Variants in LDLRAD4 observed in about 807,000 individuals in gnomAD.
The protein encoded by LDLRAD4 is low density lipoprotein receptor class A domain containing 4.
In LDLRAD4, 5 loss-of-function variants were observed where a neutral mutation model predicts 17.0. The ratio of observed to expected loss-of-function variants is 0.29; its 90% CI spans 0.15 to 0.62. LDLRAD4 has a LOEUF of 0.62. Among genes scored for constraint, LDLRAD4 ranks in the 20% least tolerant of loss-of-function variants. The pLI is 0.84. For missense variants in LDLRAD4, 340 were observed against 424.7 expected, an observed-to-expected ratio of 0.80 and a Z score of 1.75; for synonymous variants, 168 against 171.8, an observed-to-expected ratio of 0.98 and a Z score of 0.17.
intron 1 of LDLRAD4, among the ~76,000 whole-genome samples, chr18:13,313,518 C>T (rs541871787): frequency 1.3e-5 from 2 of 152,292 alleles, no homozygotes; most frequent in African/African-American, 4.8e-5. Context: ...CCCGGTTTCC[C>T]GTGGTAAACA....
Position 13,496,584 on chromosome 18 carries a change from G to A in LDLRAD4, c.181+58200G>A, listed in dbSNP as rs577243836. Among the ~76,000 whole-genome samples, 394 of 152,266 alleles carry A rather than the reference G, an allele frequency of 2.6e-3. 3 individuals are homozygous for A. Among genetic ancestry groups the A allele is most frequent in the African/African-American group, 9.1e-3 (380 of 41,538 alleles). On this transcript the variant is annotated intron_variant, in intron 3 of 5. Coordinates refer to ENST00000359446, the Ensembl canonical transcript of LDLRAD4. ...AGTACCCAGTTAAATTTAGTGTTTC[G>A]AATTAGGGAGACTCAAGCATCAGCA...
Position 13,580,595 on chromosome 18 carries a change from G to C in LDLRAD4, c.182-40522G>C, listed in dbSNP as rs2094842482. 2.0e-5 allele frequency among the ~76,000 whole-genome samples: 3 copies of C among 152,174 alleles called. 1 individual carries two copies. The South Asian group carries it at 6.2e-4, about 32-fold the overall frequency. On this transcript the variant is annotated intron_variant, in intron 3 of 5. Transcript: ENST00000359446. ...CTGCAGGACTCTGCTGGAATGTGCA[G>C]GCGATGGCACGGTGGCCACTGCTGA...
chr18:13,363,695 T>TA (rs2083856790), intron 1 of LDLRAD4, among the ~76,000 whole-genome samples: 1 of 152,184 alleles, frequency 6.6e-6, no homozygotes, highest in African/African-American at 2.4e-5. Context: ...CATGATAAAA[T>TA]ATGTAGTGTC....
chr18:13,285,339 G>A (rs1006209259), intron 1 of LDLRAD4, among the ~76,000 whole-genome samples: 1 of 152,160 alleles, frequency 6.6e-6, no homozygotes, highest in Non-Finnish European at 1.5e-5. Context: ...TTGGCTTGGG[G>A]CAGTCACTTC....
At chr18:13,608,925 C>T (rs1291397060) in intron 3 of LDLRAD4, among the ~76,000 whole-genome samples, 1 of 152,222 alleles carries the variant, frequency 6.6e-6, no homozygotes, top group Non-Finnish European at 1.5e-5. Flanking sequence ...TTGCTACCAA[C>T]AACTCTTGTG....
At chr18:13,641,718 G>T in intron 4 of LDLRAD4, 1 of 981,576 alleles carries the variant, frequency 1.0e-6, no homozygotes, top group Non-Finnish European at 1.2e-6. Context: ...CAGTCGGCGT[G>T]GGGTGCGGCA....
chr18:13,253,725 G>A (rs796445209), intron 1 of LDLRAD4, among the ~76,000 whole-genome samples: 13 of 152,298 alleles, frequency 8.5e-5, no homozygotes, highest in African/African-American at 3.1e-4. Flanking sequence ...AACCTGCCAT[G>A]TTTTATTTCT....
At chr18:13,480,911 T>C (rs1278068142) in intron 3 of LDLRAD4, among the ~76,000 whole-genome samples, 2 of 152,214 alleles carry the variant, frequency 1.3e-5, no homozygotes, top group East Asian at 3.8e-4. Context: ...GTCAGCCGTG[T>C]CAGCCAGAGC....
Position 13,367,338 on chromosome 18 carries a change from G to C in LDLRAD4, c.-382-20003G>C, listed in dbSNP as rs1057457717. 6.6e-6 allele frequency among the ~76,000 whole-genome samples: 1 copy of C among 152,224 alleles called. No homozygotes were observed. Among genetic ancestry groups the C allele is most frequent in the Non-Finnish European group, 1.5e-5 (1 of 68,032 alleles). On this transcript the variant is annotated intron_variant, in intron 1 of 5. Coordinates refer to ENST00000359446, the Ensembl canonical transcript of LDLRAD4. The surrounding 1 kb of genome is among the most constrained non-coding windows in gnomAD (Gnocchi z 4.1). Reference sequence around the variant, plus strand: ...TGTGATTGGCAGGTGGGGCAGAGGGGCCTGGGAGATGAGGTCCCGCTGTGC... The same window carrying C: ...TGTGATTGGCAGGTGGGGCAGAGGGCCCTGGGAGATGAGGTCCCGCTGTGC...
intron 3 of LDLRAD4, chr18:13,614,891 G>A (rs2039930554): frequency 6.6e-6 from 1 of 152,228 alleles, no homozygotes; most frequent in Non-Finnish European, 1.5e-5. Flanking sequence ...CGTCTCTGCT[G>A]AGGAGGACAG....
chr18:13,357,219 T>A (rs2083397603), intron 1 of LDLRAD4, among the ~76,000 whole-genome samples: 1 of 152,170 alleles, frequency 6.6e-6, no homozygotes. Context: ...AGGCAGGCTC[T>A]CTACTTCCTT....
intron 3 of LDLRAD4, among the ~76,000 whole-genome samples, chr18:13,523,977 G>A (rs1601083555): frequency 1.3e-5 from 2 of 152,224 alleles, no homozygotes; most frequent in African/African-American, 2.4e-5. Flanking sequence ...ACCTCTCTCT[G>A]CCTTGGCCTG....
At chr18:13,422,012 G>T (rs2089509747) in intron 2 of LDLRAD4, among the ~76,000 whole-genome samples, 2 of 152,228 alleles carry the variant, frequency 1.3e-5, no homozygotes, top group Non-Finnish European at 2.9e-5. Context: ...ACCAGTTACG[G>T]AACTCCCCCG....
intron 2 of LDLRAD4, among the ~76,000 whole-genome samples, chr18:13,417,584 C>T (rs901177292): frequency 5.9e-5 from 9 of 152,124 alleles, no homozygotes; most frequent in Admixed American, 2.0e-4. Flanking sequence ...AGGCGCCCGC[C>T]ACCACACCTG....
At chr18:13,268,527 T>C (rs538289217) in intron 1 of LDLRAD4, among the ~76,000 whole-genome samples, 17 of 152,376 alleles carry the variant, frequency 1.1e-4, no homozygotes, top group Non-Finnish European at 2.5e-4. Context: ...TCCCTTGGAA[T>C]GCAGCCTTGT....
intron 3 of LDLRAD4, among the ~76,000 whole-genome samples, chr18:13,570,164 A>AC (rs1216728546): frequency 2.6e-5 from 4 of 152,194 alleles, no homozygotes; most frequent in African/African-American, 9.6e-5. Flanking sequence ...TGACGTTTTC[A>AC]CTTGCTCCCT....
upstream of LDLRAD4, among the ~76,000 whole-genome samples, chr18:13,277,762 A>G (rs2044979392): frequency 6.6e-6 from 1 of 152,248 alleles, no homozygotes; most frequent in South Asian, 2.1e-4. Flanking sequence ...TAAGAAGACC[A>G]GTCCAACAGG....
At chr18:13,570,058 T>G (rs982693433) in intron 3 of LDLRAD4, among the ~76,000 whole-genome samples, 1 of 152,210 alleles carries the variant, frequency 6.6e-6, no homozygotes, top group African/African-American at 2.4e-5. Flanking sequence ...GTATTTTATT[T>G]TGCAGGTGGT....
chr18:13,303,275 C>G (rs1157832001), intron 1 of LDLRAD4, among the ~76,000 whole-genome samples: 2 of 152,174 alleles, frequency 1.3e-5, no homozygotes, highest in African/African-American at 4.8e-5. Context: ...GAGGCAGGGT[C>G]TCACTCTGAT....
Sources: allele counts gnomAD v4.1 joint callset (sites outside exome capture counted in the v4.1 genomes callset), GRCh38; gene constraint gnomAD v4.1.1; non-coding constraint Gnocchi (gnomAD v3.1); transcripts MANE v1.5; gene names NCBI Gene and HGNC (gene_info 2026-07-23, HGNC 2026-07-21).